LARP1: variants seen among roughly 807,000 people sequenced by gnomAD.
The protein encoded by LARP1 is la-related protein 1.
A neutral mutation model predicts 122.7 loss-of-function variants in LARP1; 36 were observed. The observed-to-expected ratio is 0.29, with a 90% CI of 0.22 to 0.39. The LOEUF is 0.39. Among genes scored for constraint, LARP1 ranks in the 10% least tolerant of loss-of-function variants. The pLI, the probability that LARP1 is intolerant of heterozygous loss-of-function variation, is 1.00. For synonymous variants in LARP1, 539 were observed against 528.7 expected, an observed-to-expected ratio of 1.02 and a Z score of -0.27; for missense variants, 1,040 against 1,403.6, an observed-to-expected ratio of 0.74 and a Z score of 4.14.
chr5:154,780,531 T>C (rs944649372), intron 1 of LARP1, among the ~76,000 whole-genome samples: 39 of 152,296 alleles, frequency 2.6e-4, no homozygotes, highest in Admixed American at 2.5e-3. Context: ...GAGCTCTAGA[T>C]TGGGAGACAA....
chr5:154,706,467 A>T (rs992374294), intron 1 of LARP1, among the ~76,000 whole-genome samples: 1 of 152,072 alleles, frequency 6.6e-6, no homozygotes, highest in Non-Finnish European at 1.5e-5. Context: ...AGAAAACCAA[A>T]TAACCACATG....
At chr5:154,690,430 T>C (rs1438317331) in intron 1 of LARP1, among the ~76,000 whole-genome samples, 1 of 152,188 alleles carries the variant, frequency 6.6e-6, no homozygotes, top group African/African-American at 2.4e-5. Flanking sequence ...CTTTGAATAC[T>C]CCTTATGTTA....
upstream of LARP1, among the ~76,000 whole-genome samples, chr5:154,710,169 T>C (rs1480975853): frequency 6.6e-6 from 1 of 152,128 alleles, no homozygotes; most frequent in Non-Finnish European, 1.5e-5. Flanking sequence ...GCCCAGTTTC[T>C]AACAGGCCAC....
At position 154,773,988 on chromosome 5, in the gene LARP1, C is replaced by T. The variant is rs1755654113; in HGVS notation, c.437-16337C>T. On this transcript the variant is annotated intron_variant, in intron 1 of 18. Coordinates refer to ENST00000518297, the MANE Select transcript of LARP1 (RefSeq NM_033551.3). Reference sequence around the variant, plus strand: ...CCCTAGTGTGGGCACAAGTGCCTCACACTAGGCCACTTTGTGACAAGAACG... The same window carrying T: ...CCCTAGTGTGGGCACAAGTGCCTCATACTAGGCCACTTTGTGACAAGAACG... 3.9e-5 allele frequency among the ~76,000 whole-genome samples: 6 copies of T among 152,026 alleles called. No homozygotes were observed. The South Asian group carries it at 1.2e-3, about 31-fold the overall frequency.
chr5:154,773,731 G>A (rs1277768930), intron 1 of LARP1, among the ~76,000 whole-genome samples: 1 of 152,236 alleles, frequency 6.6e-6, no homozygotes, highest in Non-Finnish European at 1.5e-5. Context: ...CTAATGGAGG[G>A]TGGGCAAAGG....
intron 16 of LARP1, among the ~76,000 whole-genome samples, chr5:154,810,536 G>A (rs921495165): frequency 1.3e-5 from 2 of 151,884 alleles, no homozygotes; most frequent in Non-Finnish European, 1.5e-5. Flanking sequence ...CACCTAGGCT[G>A]GAGTGCAGTG....
chr5:154,765,090 T>G (rs6882998), intron 1 of LARP1, among the ~76,000 whole-genome samples: 1 of 151,944 alleles, frequency 6.6e-6, no homozygotes, highest in African/African-American at 2.4e-5. Flanking sequence ...AGAGTAAAAT[T>G]CAGAGTCCTT....
intron 4 of LARP1, 65 bp from the exon 5 acceptor site, chr5:154,793,530 G>C: frequency 6.2e-7 from 1 of 1,605,390 alleles, no homozygotes; most frequent in Non-Finnish European, 8.5e-7. Flanking sequence ...AAGAGGAGTT[G>C]GGTAGAGCTG....
intron 1 of LARP1, among the ~76,000 whole-genome samples, chr5:154,728,309 C>T (rs765457412): frequency 1.3e-5 from 2 of 152,244 alleles, no homozygotes; most frequent in African/African-American, 2.4e-5. Flanking sequence ...TCTTCCCATT[C>T]GTGTACCCAC....
At chr5:154,783,791 G>A (rs1442951633) in intron 1 of LARP1, among the ~76,000 whole-genome samples, 2 of 152,120 alleles carry the variant, frequency 1.3e-5, no homozygotes, top group African/African-American at 2.4e-5. Flanking sequence ...CGTGTAATTC[G>A]TGCATCTGCG....
Position 154,755,809 on chromosome 5 carries a change from G to T in LARP1, c.52G>T (p.Ala18Ser). 1.0e-6 allele frequency: 1 copy of T among 993,278 alleles called. No homozygotes were observed. The highest frequency in any genetic ancestry group is 1.2e-6 in the Non-Finnish European group (1 of 834,636). The allele number at this position is 993,278 out of a possible 1,614,324, so 61.5% of individuals were successfully genotyped here. Reference sequence around the variant, plus strand: ...GCCTGGGGGCGCCACGCTCTTGCAGGCCGAAGAGCACGGGGGGCTGGTGAG... The same window carrying T: ...GCCTGGGGGCGCCACGCTCTTGCAGTCCGAAGAGCACGGGGGGCTGGTGAG... Reference protein sequence around the residue: ...LLPGGATLLQAEEHGGLVRKK... With the variant: ...LLPGGATLLQSEEHGGLVRKK... The change falls in exon 1 of 19, where the codon GCC (alanine) becomes TCC (serine). Residue 18 changes from alanine to serine, a missense_variant. Coordinates refer to ENST00000518297, the MANE Select transcript of LARP1 (RefSeq NM_033551.3).
chr5:154,686,295 G>A (rs1753938162), intron 1 of LARP1, among the ~76,000 whole-genome samples: 1 of 152,212 alleles, frequency 6.6e-6, no homozygotes, highest in Non-Finnish European at 1.5e-5. Context: ...TCTGGCTGCG[G>A]GGATGCTCCG....
At chr5:154,713,273 C>G (rs986573631) in intron 1 of LARP1, 1 of 642,390 alleles carries the variant, frequency 1.6e-6, no homozygotes, top group Non-Finnish European at 2.7e-6. Flanking sequence ...CTCTCTGAAC[C>G]TCACATTCCC....
rs759947747 is a variant in LARP1, at chr5:154,814,899, CA to C, written c.*819del. The stretch of plus-strand genomic sequence containing the variant: ...AAAGACAAAATCGACCATAAAAGAC[CA>C]AAAAAAAAAAAAAAATCAGAAAACC... On this transcript the variant is annotated 3_prime_UTR_variant, in exon 19 of 19. Transcript: ENST00000518297. 2,195 of 123,336 alleles carry C rather than the reference CA, an allele frequency of 0.018. 22 individuals are homozygous for C. The highest frequency in any genetic ancestry group is 0.041 in the African/African-American group (1,400 of 33,788). 7.6% of individuals were successfully genotyped at this position (123,336 alleles called of 1,614,324 possible). A position where few individuals can be genotyped will look rare whatever the true frequency, so the allele number is the denominator to read the frequency against.
rs974356361 is a variant in LARP1, at chr5:154,817,226, G to T, written c.*3130G>T. ...GGAACCCCAGAGTACCTCCTGTGTG[G>T]AAGGGTCCCTGGATTTTCCCTAACA... On this transcript the variant is annotated 3_prime_UTR_variant, in exon 19 of 19. Transcript: ENST00000518297. 6.6e-6 allele frequency: 1 copy of T among 152,168 alleles called. No individual in the cohort carries two copies. The highest frequency in any genetic ancestry group is 2.4e-5 in the African/African-American group (1 of 41,422). The allele number at this position is 152,168 out of a possible 1,614,324, so 9.4% of individuals were successfully genotyped here. A position where few individuals can be genotyped will look rare whatever the true frequency, so the allele number is the denominator to read the frequency against.
chr5:154,762,793 C>G (rs1203621185), intron 1 of LARP1, among the ~76,000 whole-genome samples: 1 of 152,194 alleles, frequency 6.6e-6, no homozygotes, highest in Non-Finnish European at 1.5e-5. Context: ...TCCAGCCACT[C>G]AAAGTTGCCT....
chr5:154,684,163 C>T (rs1408781002), intron 1 of LARP1, among the ~76,000 whole-genome samples: 3 of 150,942 alleles, frequency 2.0e-5, no homozygotes, highest in South Asian at 2.1e-4. Context: ...TAGATTCTGA[C>T]GTGGCACGAT....
In LARP1 at chr5:154,763,645, T is replaced by G. The variant is rs184121576; in HGVS notation, c.436+7452T>G. Among the ~76,000 whole-genome samples, 25 of 150,092 alleles carry G rather than the reference T, an allele frequency of 1.7e-4. No homozygotes were observed. The East Asian group carries it at 2.6e-3, about 16-fold the overall frequency. On this transcript the variant is annotated intron_variant, in intron 1 of 18. Transcript: ENST00000518297. ...GGGCGACAGAGTGAGACCCTGTCTC[T>G]AAAAAGTAAATGTCTTTTTGTGACC...
rs1758747683 is a variant in LARP1 at position 154,806,020 on chromosome 5, C to T, written c.2686C>T (p.Arg896Cys). Reference sequence around the variant, plus strand: ...ACACGTCTACCATAAGTATCGTAGGCGCTGCCTTAATGGTAAGAAGTGTGG... The same window carrying T: ...ACACGTCTACCATAAGTATCGTAGGTGCTGCCTTAATGGTAAGAAGTGTGG... Reference protein sequence around the residue: ...TQHVYHKYRRRCLNERKRLGI... With the variant: ...TQHVYHKYRRCCLNERKRLGI... Residue 896 changes from arginine (R) to cysteine (C), a missense_variant, in exon 15 of 19, where the codon CGC becomes TGC. Physicochemically the swap from Arg to Cys is radical, Grantham distance 180. Coordinates refer to ENST00000518297, the MANE Select transcript of LARP1 (RefSeq NM_033551.3). The T allele has an allele frequency of 1.2e-6, 2 of 1,613,850 alleles. No homozygotes were observed. The highest frequency in any genetic ancestry group is 1.7e-5 in the Admixed American group (1 of 59,990).
Sources: allele counts gnomAD v4.1 joint callset (sites outside exome capture counted in the v4.1 genomes callset), GRCh38; gene constraint gnomAD v4.1.1; transcripts MANE v1.5; gene names NCBI Gene and HGNC (gene_info 2026-07-23, HGNC 2026-07-21).